MYOF: variants seen among roughly 807,000 people sequenced by gnomAD.
MYOF encodes fer-1-like 3, myoferlin.
MYOF carries 244 observed loss-of-function variants against 284.2 expected under a neutral mutation model. The ratio of observed to expected loss-of-function variants is 0.86; its 90% confidence interval spans 0.77 to 0.95. MYOF has a LOEUF of 0.95. Among genes scored for constraint, MYOF ranks in the 40% least tolerant of loss-of-function variants. The pLI, the probability that MYOF is intolerant of heterozygous loss-of-function variation, is 0.00. For missense variants in MYOF, 2,496 were observed against 2,560.6 expected (o/e 0.97, Z 0.54); for synonymous variants, 904 against 919.7 (o/e 0.98, Z 0.31).
intron 1 of MYOF, among the ~76,000 whole-genome samples, chr10:93,466,711 C>A (rs1486993783): frequency 6.6e-6 from 1 of 152,222 alleles, no homozygotes; most frequent in Non-Finnish European, 1.5e-5. Flanking sequence ...GCAGTGCTCA[C>A]ACCTGTAATC....
intron 3 of MYOF, among the ~76,000 whole-genome samples, chr10:93,436,561 C>A (rs1849131682): frequency 6.6e-6 from 1 of 152,166 alleles, no homozygotes; most frequent in East Asian, 1.9e-4. Flanking sequence ...ATTTTTACAA[C>A]AAGCTGACTT....
In MYOF at chr10:93,319,781, C is replaced by CGAGATCCT; in HGVS notation, c.5598+83_5598+90dup. 3 of 1,552,610 alleles carry CGAGATCCT rather than the reference C, an allele frequency of 1.9e-6. No homozygotes were observed. In the African/African-American group the frequency reaches 4.1e-5, roughly 21 times the overall value. On this transcript the variant is annotated intron_variant, in intron 49 of 53. Coordinates refer to ENST00000359263, the MANE Select transcript of MYOF (RefSeq NM_013451.4). ...AGAAGGAGCCGGACTCAGTGACCTC[C>CGAGATCCT]GAGATCCTGAGCAGCTCCAGCATTC...
chr10:93,402,084 G>A (rs1847322638), intron 11 of MYOF, 148 bp downstream of exon 11: 1 of 635,068 alleles, frequency 1.6e-6, no homozygotes. Context: ...CCATGATGAA[G>A]AAAAGAACAG....
chr10:93,463,112 G>A (rs1228062232), intron 1 of MYOF, among the ~76,000 whole-genome samples: 1 of 152,166 alleles, frequency 6.6e-6, no homozygotes, highest in East Asian at 1.9e-4. Flanking sequence ...CAGTTCTGCG[G>A]AGGTCACCAC....
rs370793847 is a variant in MYOF, at chr10:93,332,583, C to A, written c.4811+638G>T. 5.3e-5 allele frequency among the ~76,000 whole-genome samples: 8 copies of A among 150,360 alleles called. No homozygotes were observed. The East Asian group carries it at 1.6e-3, about 30-fold the overall frequency. Reference sequence around the variant, plus strand: ...AGTCTCAGCCTGTCGCGGTGGCTCACGCCTGTAATCCCAGCACTTTGGGAG... The same window carrying A: ...AGTCTCAGCCTGTCGCGGTGGCTCAAGCCTGTAATCCCAGCACTTTGGGAG... On this transcript the variant is annotated intron_variant, in intron 43 of 53. Coordinates refer to ENST00000359263, the MANE Select transcript of MYOF (RefSeq NM_013451.4).
At chr10:93,317,948 G>A (rs1356093462) in intron 49 of MYOF, among the ~76,000 whole-genome samples, 1 of 152,224 alleles carries the variant, frequency 6.6e-6, no homozygotes, top group East Asian at 1.9e-4. Context: ...TGAGGGGCTC[G>A]GCAGCCCACT....
intron 24 of MYOF, 79 bp from the exon 25 acceptor site, chr10:93,369,855 G>T: frequency 6.5e-7 from 1 of 1,546,364 alleles, no homozygotes; most frequent in South Asian, 1.2e-5. Context: ...CAAAAACAGA[G>T]GGAACATCTA....
Position 93,366,106 on chromosome 10 carries a change from G to A in MYOF, c.2753+286C>T, listed in dbSNP as rs556828106. ...GATCCTTCTTGCCACTGCCTCCCTT[G>A]TAGGGCTGTAGTAAAGATTAAGTAA... On this transcript the variant is annotated intron_variant, in intron 26 of 53. Transcript: ENST00000359263. Among the ~76,000 whole-genome samples, 12 of 152,304 alleles carry A rather than the reference G, an allele frequency of 7.9e-5. 1 individual carries two copies. In the South Asian group the frequency reaches 2.5e-3, roughly 32 times the overall value.
intron 38 of MYOF, among the ~76,000 whole-genome samples, chr10:93,343,325 A>T (rs1401688067): frequency 6.6e-6 from 1 of 150,520 alleles, no homozygotes; most frequent in African/African-American, 2.4e-5. Context: ...AAAATAAAAA[A>T]ACCTGGGTGT....
At chr10:93,320,050 A>C (rs1242745872) in intron 48 of MYOF, 37 bp from the exon 49 acceptor site, 1 of 1,611,126 alleles carries the variant, frequency 6.2e-7, no homozygotes, top group Admixed American at 1.7e-5. Context: ...GCTTCACGTG[A>C]TTGACAAGTC....
chr10:93,364,036 A>G lies in MYOF; in HGVS notation c.2793T>C (p.Thr931=). The change falls in exon 27 of 54, where the codon ACT becomes ACC. Residue 931 remains threonine, a synonymous_variant. Transcript: ENST00000359263. The stretch of plus-strand genomic sequence containing the variant: ...GGCTCTCGTTCTGATAGACTTCATC[A>G]GTGAACTCCGTGTGACCTGCATCTG... ...TEADAGHTEF[T]DEVYQNESRY... The G allele has an allele frequency of 1.2e-6, 2 of 1,614,198 alleles. No homozygotes were observed. The highest frequency in any genetic ancestry group is 1.3e-5 in the African/African-American group (1 of 75,046).
At chr10:93,450,482 A>C (rs1372752746) in intron 3 of MYOF, among the ~76,000 whole-genome samples, 2 of 151,684 alleles carry the variant, frequency 1.3e-5, no homozygotes, top group Admixed American at 6.6e-5. Flanking sequence ...GCTGAGGCAC[A>C]AGAATCACTT....
intron 1 of MYOF, among the ~76,000 whole-genome samples, chr10:93,466,210 G>T (rs2057005854): frequency 6.6e-6 from 1 of 152,202 alleles, no homozygotes; most frequent in Non-Finnish European, 1.5e-5. Context: ...TCTGACTTTG[G>T]CTTTCCAACC....
intron 1 of MYOF, among the ~76,000 whole-genome samples, chr10:93,463,160 T>C (rs1317059161): frequency 6.6e-6 from 1 of 152,132 alleles, no homozygotes; most frequent in East Asian, 1.9e-4. Context: ...CCAAACAAGG[T>C]TTCCGGGAGA....
chr10:93,336,104 C>A, intron 40 of MYOF, 58 bp from the exon 41 acceptor site: 1 of 1,578,322 alleles, frequency 6.3e-7, no homozygotes, highest in Non-Finnish European at 8.6e-7. Flanking sequence ...GGTCTAAAAT[C>A]AAAAGGGCTG....
intron 20 of MYOF, 104 bp downstream of exon 20, chr10:93,381,115 T>C: frequency 4.8e-6 from 6 of 1,249,552 alleles, no homozygotes; most frequent in East Asian, 2.3e-5. Flanking sequence ...CCACTAACCA[T>C]AGGCTGCGTA....
intron 3 of MYOF, among the ~76,000 whole-genome samples, chr10:93,435,378 C>T (rs1849072339): frequency 6.6e-6 from 1 of 152,342 alleles, no homozygotes; most frequent in South Asian, 2.1e-4. Context: ...GGAGGCTATA[C>T]TGTTCAGCTA....
chr10:93,452,870 A>G (rs2056634057), intron 2 of MYOF, among the ~76,000 whole-genome samples: 1 of 152,190 alleles, frequency 6.6e-6, no homozygotes, highest in Non-Finnish European at 1.5e-5. Context: ...TCTCATTTTA[A>G]GTTCCACCAT....
In MYOF at chr10:93,417,287, C is replaced by T. The variant is rs149811183; in HGVS notation, c.434-7548G>A. ...CACTCTTCTTTACTTGTGATGTTTC[C>T]GCTAACATTTGGAAATGGTTCTCCA... On this transcript the variant is annotated intron_variant, in intron 5 of 53. Transcript: ENST00000359263. 2.6e-4 allele frequency among the ~76,000 whole-genome samples: 40 copies of T among 152,124 alleles called. No individual in the cohort carries two copies. In the East Asian group the frequency reaches 4.8e-3, roughly 18 times the overall value.
Sources: allele counts gnomAD v4.1 joint callset (sites outside exome capture counted in the v4.1 genomes callset), GRCh38; gene constraint gnomAD v4.1.1; transcripts MANE v1.5; gene names NCBI Gene and HGNC (gene_info 2026-07-23, HGNC 2026-07-21).